Variants in RHOBTB2 observed in about 807,000 individuals in gnomAD.
RHOBTB2 encodes rho-related BTB domain-containing protein 2.
RHOBTB2 carries 39 observed loss-of-function variants against 66.5 expected under a neutral mutation model. That is an observed-to-expected ratio of 0.59 (90% CI 0.45 to 0.77). The LOEUF (loss-of-function observed/expected upper bound fraction) is 0.77, where lower values mean the gene tolerates loss of function less well. RHOBTB2 is among the 30% of genes least tolerant of loss of function. The pLI is 0.00. For missense variants in RHOBTB2, 755 were observed against 999.1 expected, an observed-to-expected ratio of 0.76 and a Z score of 3.29; for synonymous variants, 390 against 395.0, an observed-to-expected ratio of 0.99 and a Z score of 0.15.
chr8:23,004,307 G>A lies in RHOBTB2; in HGVS notation c.-10-118G>A, dbSNP rs909273730. On this transcript the variant is annotated intron_variant, in intron 1 of 9. Transcript: ENST00000251822. This position sits in a 1 kb window ranked among gnomAD's most constrained non-coding sequence, Gnocchi z 6.4. The stretch of plus-strand genomic sequence containing the variant: ...ACGTTGCCCACTCCTTCCTCCTCCT[G>A]TCAGCTCCGGGGCTTGCAGAGGGGG... 7.1e-6 allele frequency: 6 copies of A among 848,274 alleles called. No homozygotes were observed. In the African/African-American group the frequency reaches 8.3e-5, roughly 12 times the overall value. The allele number at this position is 848,274 out of a possible 1,614,324, so 52.5% of individuals were successfully genotyped here.
upstream of RHOBTB2, among the ~76,000 whole-genome samples, chr8:22,998,724 CAAAAA>C (rs555614764): frequency 0.044 from 3,568 of 81,286 alleles, 129 homozygotes; most frequent in African/African-American, 0.15. Context: ...GAGGGAGACT[CAAAAA>C]AAAAAAAAAA....
chr8:22,960,315 C>T, the RHOBTB2 span, among the ~76,000 whole-genome samples: 1 of 151,546 alleles, frequency 6.6e-6, no homozygotes, highest in Non-Finnish European at 1.5e-5. Flanking sequence ...CCCTCCCCTC[C>T]CCTCCCCTCT....
intron 8 of RHOBTB2, 51 bp downstream of exon 8, chr8:23,014,829 C>A: frequency 6.8e-7 from 1 of 1,463,424 alleles, no homozygotes; most frequent in Non-Finnish European, 9.5e-7. Context: ...TACACTCTGC[C>A]TGCCCATTGG....
intron 1 of RHOBTB2, among the ~76,000 whole-genome samples, chr8:22,988,940 T>C (rs1810356529): frequency 6.6e-6 from 1 of 152,154 alleles, no homozygotes; most frequent in African/African-American, 2.4e-5. Context: ...CCTCACCATG[T>C]AAGGATCTTG....
chr8:23,016,971 C>T (rs1356822172), intron 9 of RHOBTB2, among the ~76,000 whole-genome samples: 1 of 152,206 alleles, frequency 6.6e-6, no homozygotes. Flanking sequence ...CTCCCTTATC[C>T]TTCGCCTCTG....
chr8:23,011,912 TC>T (rs1468036847), intron 7 of RHOBTB2, among the ~76,000 whole-genome samples: 1 of 152,018 alleles, frequency 6.6e-6, no homozygotes, highest in Admixed American at 6.6e-5. Flanking sequence ...AAAACAGCAA[TC>T]CGTGAGGAAA....
intron 8 of RHOBTB2, 43 bp downstream of exon 8, chr8:23,014,821 C>T: frequency 6.6e-7 from 1 of 1,505,154 alleles, no homozygotes; most frequent in South Asian, 1.1e-5. Context: ...CTCAGTTCTA[C>T]ACTCTGCCTG....
rs746394585 is a variant in RHOBTB2 at position 23,006,725 on chromosome 8, C to T, written c.483-3C>T. ...AGCTTGGTTTCCTTCTTGAACCTAC[C>T]AGGCCCATCAAACCTAATGAAATCC... is the stretch of plus-strand genomic sequence containing the variant. On this transcript the variant is annotated splice_polypyrimidine_tract_variant and splice_region_variant and intron_variant, in intron 4 of 9. Transcript: ENST00000251822. The surrounding 1 kb of genome is among the most constrained non-coding windows in gnomAD (Gnocchi z 6.1). 5.6e-6 allele frequency: 9 copies of T among 1,606,986 alleles called. No homozygotes were observed. The highest frequency in any genetic ancestry group is 1.7e-5 in the Admixed American group (1 of 59,748).
chr8:22,976,221 G>A, the RHOBTB2 span, among the ~76,000 whole-genome samples: 1 of 151,948 alleles, frequency 6.6e-6, no homozygotes, highest in Non-Finnish European at 1.5e-5. Context: ...GAAGGGCAAG[G>A]GTCAAAGCTG....
chr8:22,951,807 G>A, the RHOBTB2 span, among the ~76,000 whole-genome samples: 3 of 152,130 alleles, frequency 2.0e-5, no homozygotes, highest in Non-Finnish European at 2.9e-5. Flanking sequence ...AGGTCACAGG[G>A]GATATGATGT....
chr8:22,985,180 G>A (rs911841658), upstream of RHOBTB2, among the ~76,000 whole-genome samples: 1 of 152,182 alleles, frequency 6.6e-6, no homozygotes, highest in African/African-American at 2.4e-5. Context: ...AGTTCATAAA[G>A]GTGGGAGCCA....
intron 8 of RHOBTB2, among the ~76,000 whole-genome samples, chr8:23,015,037 G>A (rs962980660): frequency 5.3e-5 from 8 of 152,120 alleles, no homozygotes; most frequent in African/African-American, 1.9e-4. Flanking sequence ...GGGAACCCCA[G>A]GCTCAGGCTT....
Position 22,999,982 on chromosome 8 carries a change from G to C in RHOBTB2, c.-134G>C, listed in dbSNP as rs1810722242. 1 of 985,602 alleles carries C rather than the reference G, an allele frequency of 1.0e-6. No homozygotes were observed. The highest frequency in any genetic ancestry group is 1.2e-6 in the Non-Finnish European group (1 of 830,040). 61.1% of individuals were successfully genotyped at this position (985,602 alleles called of 1,614,324 possible). A position where few individuals can be genotyped will look rare whatever the true frequency, so the allele number is the denominator to read the frequency against. The stretch of plus-strand genomic sequence containing the variant: ...GAGGCTGGAGCCCAGCAGCAGCGCG[G>C]CGGCGCCGGCGTCGTCCCAACTTGC... On this transcript the variant is annotated 5_prime_UTR_variant, in exon 1 of 10. Transcript: ENST00000251822.
chr8:23,017,594 T>TG lies in RHOBTB2; in HGVS notation c.*127dup. 7.0e-7 allele frequency: 1 copy of TG among 1,432,186 alleles called. No individual in the cohort carries two copies. Among genetic ancestry groups the TG allele is most frequent in the South Asian group, 1.4e-5 (1 of 72,454 alleles). 88.7% of individuals were successfully genotyped at this position (1,432,186 alleles called of 1,614,324 possible). ...GCCCACGTAACCAGGACCCAGAGGG[T>TG]GGAGCTCTTCTTACCAGCCACCGTG... On this transcript the variant is annotated 3_prime_UTR_variant, in exon 10 of 10. Transcript: ENST00000251822. This position sits in a 1 kb window ranked among gnomAD's most constrained non-coding sequence, Gnocchi z 5.3.
At chr8:22,998,235 C>T (rs78841237), upstream of RHOBTB2, among the ~76,000 whole-genome samples, 736 of 152,288 alleles carry the variant, frequency 4.8e-3, 19 homozygotes, top group East Asian at 0.08. Flanking sequence ...TTTAACCCGG[C>T]TTTCTTTTGG....
At chr8:22,960,181 T>TA in the RHOBTB2 span, among the ~76,000 whole-genome samples, 6,759 of 142,178 alleles carry the variant, frequency 0.048, 212 homozygotes, top group Middle Eastern at 0.12. Flanking sequence ...AGACTCCATC[T>TA]AAAAAAAAAA....
Position 23,006,329 on chromosome 8 carries a change from G to T in RHOBTB2, c.482+184G>T. 1 of 601,692 alleles carries T rather than the reference G, an allele frequency of 1.7e-6. No individual in the cohort carries two copies. Among genetic ancestry groups the T allele is most frequent in the South Asian group, 2.1e-5 (1 of 48,690 alleles). The allele number at this position is 601,692 out of a possible 1,614,324, so 37.3% of individuals were successfully genotyped here. A position where few individuals can be genotyped will look rare whatever the true frequency, so the allele number is the denominator to read the frequency against. ...CATATACCTGTTGCACACCTCTGGT[G>T]TGGGCAGTGCTATGTAAAGCATCAT... On this transcript the variant is annotated intron_variant, in intron 4 of 9. Coordinates refer to ENST00000251822, the MANE Select transcript of RHOBTB2 (RefSeq NM_015178.3). This position sits in a 1 kb window ranked among gnomAD's most constrained non-coding sequence, Gnocchi z 6.1.
chr8:22,956,423 T>G, the RHOBTB2 span, among the ~76,000 whole-genome samples: 1 of 152,134 alleles, frequency 6.6e-6, no homozygotes, highest in Non-Finnish European at 1.5e-5. Flanking sequence ...CTCATGATAG[T>G]GAGTTCTCAT....
chr8:22,990,257 G>A (rs1021680601), intron 1 of RHOBTB2, among the ~76,000 whole-genome samples: 1 of 152,220 alleles, frequency 6.6e-6, no homozygotes, highest in Non-Finnish European at 1.5e-5. Flanking sequence ...GGGGGACCCA[G>A]GTTAAGCAAG....
Sources: allele counts gnomAD v4.1 joint callset (sites outside exome capture counted in the v4.1 genomes callset), GRCh38; gene constraint gnomAD v4.1.1; non-coding constraint Gnocchi (gnomAD v3.1); transcripts MANE v1.5; gene names NCBI Gene and HGNC (gene_info 2026-07-23, HGNC 2026-07-21).